The following USH2A variants were observed in gnomAD, a reference collection of about 807,000 sequenced individuals.
The protein encoded by USH2A is usherin.
Under a neutral mutation model 538.9 loss-of-function variants are expected in USH2A, and 443 were observed. The ratio of observed to expected loss-of-function variants is 0.82; its 90% CI spans 0.76 to 0.89. USH2A has a LOEUF of 0.89. Ranked by LOEUF, USH2A falls within the 40% of genes least tolerant of loss-of-function variation. The probability of loss-of-function intolerance (pLI) is 0.00; values close to 1 mark genes in which losing one functional copy is unlikely to be tolerated. For synonymous variants in USH2A, 2,413 were observed against 2,273.5 expected (o/e 1.06, Z -1.75); for missense variants, 6,633 against 6,324.8 (o/e 1.05, Z -1.65).
At chr1:216,255,215 A>G (rs1028897680) in intron 11 of USH2A, among the ~76,000 whole-genome samples, 14 of 152,230 alleles carry the variant, frequency 9.2e-5, no homozygotes, top group Non-Finnish European at 1.5e-5. Context: ...ACAAGAGCAG[A>G]GAAAAGAAAT....
At chr1:215,912,966 G>T (rs1316352810) in intron 38 of USH2A, among the ~76,000 whole-genome samples, 1 of 152,114 alleles carries the variant, frequency 6.6e-6, no homozygotes, top group Non-Finnish European at 1.5e-5. Flanking sequence ...TCCTCCTACA[G>T]TTCTTTGTGA....
At chr1:216,336,737 C>T (rs564076230) in intron 4 of USH2A, among the ~76,000 whole-genome samples, 2 of 151,494 alleles carry the variant, frequency 1.3e-5, no homozygotes, top group Non-Finnish European at 1.5e-5. Context: ...CACCTGAAAA[C>T]ATATCATGCA....
At chr1:216,341,932 A>G (rs1249899628) in intron 4 of USH2A, among the ~76,000 whole-genome samples, 4 of 152,198 alleles carry the variant, frequency 2.6e-5, no homozygotes, top group African/African-American at 9.6e-5. Flanking sequence ...GGACATAGGC[A>G]TAGGCAAAGA....
chr1:216,137,653 T>G (rs368324016), intron 21 of USH2A, among the ~76,000 whole-genome samples: 12 of 152,086 alleles, frequency 7.9e-5, no homozygotes, highest in African/African-American at 2.9e-4. Context: ...AGTCTCTCTT[T>G]TCACCTTTTT....
chr1:216,422,509 G>T lies in USH2A; in HGVS notation c.-173C>A. On this transcript the variant is annotated 5_prime_UTR_variant, in exon 2 of 72. Transcript: ENST00000307340. ...TAAGGTAATACCAACGACGTTCTTA[G>T]CAATGGCGAAGACATGAGTAGCTGC... 1 of 887,340 alleles carries T rather than the reference G, an allele frequency of 1.1e-6. No individual in the cohort carries two copies. The highest frequency in any genetic ancestry group is 1.7e-6 in the Non-Finnish European group (1 of 592,100). 55.0% of individuals were successfully genotyped at this position (887,340 alleles called of 1,614,324 possible).
intron 60 of USH2A, among the ~76,000 whole-genome samples, chr1:215,732,982 T>C (rs1370405277): frequency 6.6e-6 from 1 of 152,134 alleles, no homozygotes; most frequent in Non-Finnish European, 1.5e-5. Context: ...TTTTCTAATT[T>C]GTATTAGGCT....
intron 55 of USH2A, among the ~76,000 whole-genome samples, chr1:215,775,371 C>T (rs1277201240): frequency 1.3e-5 from 2 of 152,146 alleles, no homozygotes; most frequent in African/African-American, 4.8e-5. Context: ...GATTTAGATA[C>T]GTTTGACAGT....
At chr1:215,875,921 ATATT>A in intron 43 of USH2A, among the ~76,000 whole-genome samples, 1 of 143,848 alleles carries the variant, frequency 7.0e-6, no homozygotes, top group Non-Finnish European at 1.5e-5. Flanking sequence ...TATATAATAT[ATATT>A]GATTATTATA....
chr1:216,219,085 C>G (rs2102498956), intron 14 of USH2A, among the ~76,000 whole-genome samples: 1 of 152,054 alleles, frequency 6.6e-6, no homozygotes, highest in Middle Eastern at 3.4e-3. Flanking sequence ...ACCATTCACT[C>G]ATGAGACAAT....
chr1:215,837,982 A>C lies in USH2A; in HGVS notation c.9371+9T>G. On this transcript the variant is annotated intron_variant, in intron 47 of 71. Transcript: ENST00000307340. ...GTTCCTTAGATTTAACTGACACAAA[A>C]TTTTGTACCTTGAAGTGATGCCACG... 1 of 1,608,100 alleles carries C rather than the reference A, an allele frequency of 6.2e-7. No homozygotes were observed. Among genetic ancestry groups the C allele is most frequent in the Non-Finnish European group, 8.5e-7 (1 of 1,174,544 alleles).
At chr1:215,978,334 A>G (rs1341262595) in intron 35 of USH2A, among the ~76,000 whole-genome samples, 2 of 152,130 alleles carry the variant, frequency 1.3e-5, no homozygotes, top group Non-Finnish European at 2.9e-5. Context: ...GAAACTGGCC[A>G]TCTTACCCCA....
At chr1:215,758,509 A>G (rs192236034) in intron 58 of USH2A, 86 bp downstream of exon 58, 2 of 1,498,314 alleles carry the variant, frequency 1.3e-6, no homozygotes, top group Non-Finnish European at 1.8e-6. Flanking sequence ...TTTCTGATTT[A>G]CTAAATTAAC....
chr1:216,013,752 C>A (rs1037755455), intron 32 of USH2A, among the ~76,000 whole-genome samples: 2 of 152,012 alleles, frequency 1.3e-5, no homozygotes, highest in African/African-American at 4.8e-5. Context: ...CAGCCCCACC[C>A]CTATCTCCCT....
At chr1:215,858,114 A>T (rs1483927359) in intron 44 of USH2A, among the ~76,000 whole-genome samples, 1 of 152,160 alleles carries the variant, frequency 6.6e-6, no homozygotes, top group Non-Finnish European at 1.5e-5. Flanking sequence ...CTTGTATTTG[A>T]TGCAATAGAA....
At chr1:215,630,527 T>TATATATATGTATGAGA (rs1553248492) in intron 70 of USH2A, among the ~76,000 whole-genome samples, 3 of 121,782 alleles carry the variant, frequency 2.5e-5, no homozygotes, top group African/African-American at 1.1e-4. Context: ...TATATATATA[T>TATATATATGTATGAGA]GAGAGAGAGA....
intron 61 of USH2A, among the ~76,000 whole-genome samples, chr1:215,687,903 C>T (rs1658483952): frequency 6.6e-6 from 1 of 152,008 alleles, no homozygotes; most frequent in Non-Finnish European, 1.5e-5. Flanking sequence ...GCAAGGGAGG[C>T]AAGGTCATTA....
intron 21 of USH2A, among the ~76,000 whole-genome samples, chr1:216,114,600 T>C (rs1361011671): frequency 1.3e-5 from 2 of 152,162 alleles, no homozygotes; most frequent in Non-Finnish European, 2.9e-5. Context: ...TAAAGCTGAC[T>C]ACAATGCATT....
intron 4 of USH2A, among the ~76,000 whole-genome samples, chr1:216,355,825 C>T (rs1354045001): frequency 6.6e-6 from 1 of 151,464 alleles, no homozygotes; most frequent in Non-Finnish European, 1.5e-5. Context: ...TGATTTTCAG[C>T]CAAAAAAAAT....
intron 20 of USH2A, 71 bp downstream of exon 20, chr1:216,190,152 A>C: frequency 6.3e-7 from 1 of 1,587,380 alleles, no homozygotes; most frequent in Non-Finnish European, 8.6e-7. Context: ...CAAGTAGAGA[A>C]GGTGTTGAAT....
Sources: allele counts gnomAD v4.1 joint callset (sites outside exome capture counted in the v4.1 genomes callset), GRCh38; gene constraint gnomAD v4.1.1; transcripts MANE v1.5; gene names NCBI Gene and HGNC (gene_info 2026-07-23, HGNC 2026-07-21).